Variants in SKIC3 observed in about 807,000 individuals in gnomAD.
SKIC3 encodes SKI3 subunit of superkiller complex.
At chr5:95,494,694 G>A in the SKIC3 span, 1 of 1,613,474 alleles carries the variant, frequency 6.2e-7, no homozygotes, top group African/African-American at 1.3e-5. Context: ...GGAGAAAGGA[G>A]AGCTGCCTTC....
chr5:95,540,907 A>G, the SKIC3 span: 1 of 1,385,958 alleles, frequency 7.2e-7, no homozygotes, highest in Non-Finnish European at 1.0e-6. Flanking sequence ...CTGCAAATAA[A>G]AACATTTTTA....
the SKIC3 span, among the ~76,000 whole-genome samples, chr5:95,473,686 A>C: frequency 1.3e-5 from 2 of 151,954 alleles, no homozygotes; most frequent in African/African-American, 2.4e-5. Context: ...GCATTTTTTC[A>C]TATGTTTGTT....
At chr5:95,530,135 T>C in the SKIC3 span, 3 of 1,613,702 alleles carry the variant, frequency 1.9e-6, no homozygotes, top group Non-Finnish European at 2.5e-6. Context: ...TGTCTTGTAA[T>C]GCTTTAATGC....
the SKIC3 span, among the ~76,000 whole-genome samples, chr5:95,539,848 A>AAAAAAAC: frequency 2.6e-5 from 4 of 152,000 alleles, no homozygotes; most frequent in Middle Eastern, 3.4e-3. Context: ...TGCCTCAAAA[A>AAAAAAAC]AAAAAAAAAA....
At chr5:95,476,398 A>T in the SKIC3 span, among the ~76,000 whole-genome samples, 4 of 152,194 alleles carry the variant, frequency 2.6e-5, no homozygotes, top group African/African-American at 7.2e-5. Flanking sequence ...TTTTACATCC[A>T]GATCACATAT....
the SKIC3 span, chr5:95,546,911 A>G: frequency 1.4e-5 from 10 of 730,924 alleles, no homozygotes; most frequent in Non-Finnish European, 2.4e-5. Context: ...CCTGCTAACT[A>G]GAGGTTAAAA....
At chr5:95,469,855 G>A in the SKIC3 span, 1 of 1,614,144 alleles carries the variant, frequency 6.2e-7, no homozygotes, top group Non-Finnish European at 8.5e-7. Flanking sequence ...AAGCTTCAAG[G>A]CCTCAGTTGT....
At chr5:95,485,596 G>A in the SKIC3 span, among the ~76,000 whole-genome samples, 20 of 152,262 alleles carry the variant, frequency 1.3e-4, no homozygotes, top group African/African-American at 4.6e-4. Context: ...TTCTTTGCCT[G>A]GTTTGGGTAT....
the SKIC3 span, among the ~76,000 whole-genome samples, chr5:95,550,300 C>T: frequency 6.6e-6 from 1 of 151,544 alleles, no homozygotes; most frequent in South Asian, 2.1e-4. Context: ...GCTATGAAAC[C>T]TTAAATAATA....
At chr5:95,523,587 A>G in the SKIC3 span, 1 of 1,519,856 alleles carries the variant, frequency 6.6e-7, no homozygotes, top group Non-Finnish European at 8.9e-7. Flanking sequence ...GTATACATAT[A>G]TAAAAATATT....
At chr5:95,516,234 C>T in the SKIC3 span, 3 of 926,960 alleles carry the variant, frequency 3.2e-6, no homozygotes, top group East Asian at 2.6e-5. Flanking sequence ...TACTGGAGAG[C>T]ATACTGGCTA....
At chr5:95,550,531 A>G in the SKIC3 span, 2 of 152,012 alleles carry the variant, frequency 1.3e-5, no homozygotes, top group Non-Finnish European at 3.0e-5. Flanking sequence ...AAAAACAATC[A>G]TTAAGTAAAA....
the SKIC3 span, among the ~76,000 whole-genome samples, chr5:95,519,149 G>A: frequency 6.6e-6 from 1 of 150,932 alleles, no homozygotes; most frequent in East Asian, 1.9e-4. Context: ...AACAAGAGCA[G>A]ACTGAATGAA....
the SKIC3 span, among the ~76,000 whole-genome samples, chr5:95,546,361 AAAC>A: frequency 6.6e-5 from 10 of 151,846 alleles, no homozygotes; most frequent in African/African-American, 1.7e-4. Context: ...ACAAAAAAAA[AAAC>A]AAAGAAAGAA....
At chr5:95,537,633 T>C in the SKIC3 span, among the ~76,000 whole-genome samples, 1 of 152,194 alleles carries the variant, frequency 6.6e-6, no homozygotes, top group Non-Finnish European at 1.5e-5. Context: ...TCACTTCTCT[T>C]ATGCAGTATT....
the SKIC3 span, among the ~76,000 whole-genome samples, chr5:95,488,648 T>C: frequency 6.6e-6 from 1 of 152,152 alleles, no homozygotes; most frequent in Non-Finnish European, 1.5e-5. Context: ...ATATCACCAC[T>C]AGACCAGTCC....
the SKIC3 span, chr5:95,469,931 T>C: frequency 6.2e-7 from 1 of 1,612,520 alleles, no homozygotes. Context: ...ATAAGACAAA[T>C]ATTAACTCAA....
chr5:95,512,209 A>G, the SKIC3 span, among the ~76,000 whole-genome samples: 1 of 152,186 alleles, frequency 6.6e-6, no homozygotes, highest in Non-Finnish European at 1.5e-5. Context: ...TATAGTGTAT[A>G]GTGGAGAGTG....
chr5:95,489,588 C>A, the SKIC3 span, among the ~76,000 whole-genome samples: 1 of 146,138 alleles, frequency 6.8e-6, no homozygotes, highest in Non-Finnish European at 1.5e-5. Context: ...AAAATAGCAT[C>A]AAATAAAATG....
Sources: allele counts gnomAD v4.1 joint callset (sites outside exome capture counted in the v4.1 genomes callset), GRCh38; gene constraint gnomAD v4.1.1; transcripts MANE v1.5; gene names NCBI Gene and HGNC (gene_info 2026-07-23, HGNC 2026-07-21).